Variants in ABL1 observed in about 807,000 individuals in gnomAD.
ABL1 encodes the protein ABL proto-oncogene 1, non-receptor tyrosine kinase.
A neutral mutation model predicts 94.7 loss-of-function variants in ABL1; 11 were observed. The observed-to-expected ratio is 0.12, with a 90% confidence interval of 0.07 to 0.19. ABL1 has a LOEUF of 0.19. Among genes scored for constraint, ABL1 ranks in the 10% least tolerant of loss-of-function variants. The pLI is 1.00. For missense variants in ABL1, 1,082 were observed against 1,489.4 expected (o/e 0.73, Z 4.50); for synonymous variants, 656 against 622.4 (o/e 1.05, Z -0.80).
chr9:130,857,674 A>G (rs943333706), intron 3 of ABL1, among the ~76,000 whole-genome samples: 7 of 151,590 alleles, frequency 4.6e-5, no homozygotes, highest in Admixed American at 6.6e-5. Flanking sequence ...CACTTGTACC[A>G]TATGAACATA....
At chr9:130,820,264 G>T (rs544551243) in intron 1 of ABL1, among the ~76,000 whole-genome samples, 10 of 152,274 alleles carry the variant, frequency 6.6e-5, no homozygotes, top group Admixed American at 5.2e-4. Context: ...ATAAGATGCA[G>T]GTGGGGTCAT....
At chr9:130,735,755 T>C (rs1300318045) in intron 1 of ABL1, among the ~76,000 whole-genome samples, 1 of 151,510 alleles carries the variant, frequency 6.6e-6, no homozygotes, top group Non-Finnish European at 1.5e-5. Flanking sequence ...TAAACAGTGC[T>C]TCAGGGGTAA....
intron 1 of ABL1, among the ~76,000 whole-genome samples, chr9:130,819,633 G>A (rs1231120200): frequency 6.8e-6 from 1 of 146,074 alleles, no homozygotes; most frequent in African/African-American, 2.5e-5. Flanking sequence ...CCGCCTCCCA[G>A]GTTCAAGCAA....
intron 1 of ABL1, among the ~76,000 whole-genome samples, chr9:130,795,422 T>G (rs550340276): frequency 3.4e-4 from 52 of 152,348 alleles, no homozygotes; most frequent in African/African-American, 1.1e-3. Flanking sequence ...CCCGACAGTA[T>G]CATATGTGCT....
intron 1 of ABL1, chr9:130,724,970 A>T (rs11244112): frequency 0.21 from 68,290 of 318,302 alleles, 8,770 homozygotes; most frequent in Middle Eastern, 0.4. Context: ...TCGGAAGGTG[A>T]CAGGCCTTAG....
chr9:130,784,506 T>G (rs1829802262), intron 1 of ABL1, among the ~76,000 whole-genome samples: 1 of 152,364 alleles, frequency 6.6e-6, no homozygotes, highest in East Asian at 1.9e-4. Flanking sequence ...GGGTAAATTC[T>G]GGATTTTTTC....
chr9:130,758,962 T>C (rs1832076009), intron 1 of ABL1, among the ~76,000 whole-genome samples: 1 of 152,196 alleles, frequency 6.6e-6, no homozygotes. Context: ...CCATGACCTT[T>C]TTTTGGTGCT....
At chr9:130,802,491 T>C (rs1273295511) in intron 1 of ABL1, among the ~76,000 whole-genome samples, 1 of 152,206 alleles carries the variant, frequency 6.6e-6, no homozygotes, top group Non-Finnish European at 1.5e-5. Flanking sequence ...CAGCTGAGTA[T>C]ATCCAGTGAA....
At chr9:130,744,983 G>A (rs973410306) in intron 1 of ABL1, among the ~76,000 whole-genome samples, 3 of 152,234 alleles carry the variant, frequency 2.0e-5, no homozygotes, top group East Asian at 3.9e-4. Context: ...CGAGGTTTTG[G>A]GGTAGAATGT....
At chr9:130,820,207 G>GA (rs1191186598) in intron 1 of ABL1, among the ~76,000 whole-genome samples, 1 of 152,126 alleles carries the variant, frequency 6.6e-6, no homozygotes, top group African/African-American at 2.4e-5. Context: ...AATTTACCAT[G>GA]ATACTTGGTT....
intron 1 of ABL1, among the ~76,000 whole-genome samples, chr9:130,776,992 A>G (rs1407506340): frequency 6.6e-6 from 1 of 151,766 alleles, no homozygotes; most frequent in Non-Finnish European, 1.5e-5. Flanking sequence ...CTTATTTTCT[A>G]TTAATTTTTT....
chr9:130,836,917 T>TA (rs1315785658), intron 1 of ABL1, among the ~76,000 whole-genome samples: 1 of 152,108 alleles, frequency 6.6e-6, no homozygotes, highest in Admixed American at 6.5e-5. Flanking sequence ...TTTTTCTTTT[T>TA]AAAAAAGCAG....
At chr9:130,879,996 C>T in intron 8 of ABL1, 72 bp from the exon 9 acceptor site, 1 of 1,415,048 alleles carries the variant, frequency 7.1e-7, no homozygotes, top group Admixed American at 1.7e-5. Context: ...CTAGACTTTT[C>T]CTTGAGAACT....
At chr9:130,833,927 C>G, upstream of ABL1, 1 of 435,054 alleles carries the variant, frequency 2.3e-6, no homozygotes. Flanking sequence ...AATGACAATG[C>G]TAGTTATTTG....
chr9:130,806,251 C>G (rs1333769320), intron 1 of ABL1, among the ~76,000 whole-genome samples: 1 of 152,190 alleles, frequency 6.6e-6, no homozygotes, highest in Non-Finnish European at 1.5e-5. Context: ...ATTTGCTTAA[C>G]AGATATACAA....
In ABL1 at chr9:130,872,782, A is replaced by G; in HGVS notation, c.908-78A>G. 1 of 1,455,898 alleles carries G rather than the reference A, an allele frequency of 6.9e-7. No homozygotes were observed. The highest frequency in any genetic ancestry group is 1.3e-5 in the South Asian group (1 of 75,202). 90.2% of individuals were successfully genotyped at this position (1,455,898 alleles called of 1,614,324 possible). Reference sequence around the variant, plus strand: ...GAGGAGCAGAGTCAGAATCCTTCAGAAGGCTTTTTCTTTAGACAGTTGTTT... The same window carrying G: ...GAGGAGCAGAGTCAGAATCCTTCAGGAGGCTTTTTCTTTAGACAGTTGTTT... On this transcript the variant is annotated intron_variant, in intron 5 of 10. Coordinates refer to ENST00000318560, the MANE Select transcript of ABL1 (RefSeq NM_005157.6). The surrounding 1 kb of genome is among the most constrained non-coding windows in gnomAD (Gnocchi z 5.0).
chr9:130,745,817 G>A lies in ABL1; in HGVS notation c.136+31362G>A, dbSNP rs564482834. ...TGTGACTAAAATTCTACTTTCAGAA[G>A]AGTAGAATGTACCCCTACCAAATTG... On this transcript the variant is annotated intron_variant, in intron 1 of 10. Coordinates refer to the ABL1 transcript ENST00000372348. 3.3e-5 allele frequency among the ~76,000 whole-genome samples: 5 copies of A among 152,138 alleles called. No homozygotes were observed. In the South Asian group the frequency reaches 1.0e-3, roughly 32 times the overall value.
chr9:130,729,680 G>A (rs960046427), intron 1 of ABL1, among the ~76,000 whole-genome samples: 1 of 151,932 alleles, frequency 6.6e-6, no homozygotes. Context: ...AGGACAAAAG[G>A]ATATCTAATA....
chr9:130,782,840 T>C (rs1209955054), intron 1 of ABL1, among the ~76,000 whole-genome samples: 1 of 152,240 alleles, frequency 6.6e-6, no homozygotes, highest in Non-Finnish European at 1.5e-5. Flanking sequence ...AGAGCATTTA[T>C]TGTTGTTTTT....
Sources: gnomAD v4.1 joint callset for allele counts (sites outside exome capture counted in the v4.1 genomes callset) on GRCh38, gnomAD v4.1.1 for gene constraint, Gnocchi (gnomAD v3.1) non-coding constraint, MANE v1.5 for transcripts, NCBI Gene and HGNC (gene_info 2026-07-23, HGNC 2026-07-21) for gene names.